Variants in NAALADL2 observed in about 807,000 individuals in gnomAD.
The protein encoded by NAALADL2 is N-acetylated alpha-linked acidic dipeptidase like 2, also known as inactive N-acetylated-alpha-linked acidic dipeptidase-like protein 2.
In NAALADL2, 76 loss-of-function variants were observed where a neutral mutation model predicts 87.2. The observed-to-expected ratio is 0.87, with a 90% CI of 0.72 to 1.05. The LOEUF is 1.05. Among genes scored for constraint, NAALADL2 ranks in the 50% least tolerant of loss-of-function variants. The pLI is 0.00. For synonymous variants in NAALADL2, 354 were observed against 331.0 expected (o/e 1.07, Z -0.75); for missense variants, 1,089 against 945.8 (o/e 1.15, Z -1.99).
chr3:174,508,359 C>T (rs1719362380), intron 1 of NAALADL2, among the ~76,000 whole-genome samples: 1 of 152,020 alleles, frequency 6.6e-6, no homozygotes, highest in Non-Finnish European at 1.5e-5. Flanking sequence ...GTGATCCGCC[C>T]GTCTCGGCCT....
intron 5 of NAALADL2, among the ~76,000 whole-genome samples, chr3:175,325,143 ATTTT>A (rs572452255): frequency 0.025 from 3,756 of 151,834 alleles, 73 homozygotes; most frequent in Non-Finnish European, 0.042. Flanking sequence ...GTTCTGCCAA[ATTTT>A]TTTTGTTTTT....
chr3:175,086,663 C>T (rs1352918537), intron 1 of NAALADL2, among the ~76,000 whole-genome samples: 4 of 151,778 alleles, frequency 2.6e-5, no homozygotes, highest in South Asian at 2.1e-4. Context: ...TTTTATGTGC[C>T]GTTGGAGGTC....
chr3:175,500,627 C>T (rs1729410051), intron 9 of NAALADL2, among the ~76,000 whole-genome samples: 1 of 152,018 alleles, frequency 6.6e-6, no homozygotes. Context: ...AACAATTATC[C>T]TGTGTCAGGC....
chr3:175,040,611 T>C lies in NAALADL2; in HGVS notation c.44-56179T>C, dbSNP rs1466200370. On this transcript the variant is annotated intron_variant, in intron 1 of 13. Transcript: ENST00000454872. ...ACTTTTCTGAGTATCATTTTATACC[T>C]CTATAACACTAATAACCTTTTTTCC... is the stretch of plus-strand genomic sequence containing the variant. 3.3e-5 allele frequency among the ~76,000 whole-genome samples: 5 copies of C among 152,182 alleles called. No individual in the cohort carries two copies. In the East Asian group the frequency reaches 9.6e-4, roughly 29 times the overall value.
intron 2 of NAALADL2, among the ~76,000 whole-genome samples, chr3:174,705,152 ACT>A (rs1729935200): frequency 6.6e-6 from 1 of 152,114 alleles, no homozygotes; most frequent in Non-Finnish European, 1.5e-5. Context: ...CACAGGGCAC[ACT>A]CACACACACA....
intron 2 of NAALADL2, among the ~76,000 whole-genome samples, chr3:175,211,771 A>C (rs946859377): frequency 6.6e-6 from 1 of 152,152 alleles, no homozygotes; most frequent in Admixed American, 6.6e-5. Flanking sequence ...ATGTGCAATT[A>C]TATTTCTTAA....
intron 10 of NAALADL2, among the ~76,000 whole-genome samples, chr3:175,602,449 T>C (rs1425083699): frequency 9.9e-6 from 1 of 100,522 alleles, no homozygotes; most frequent in African/African-American, 3.1e-5. Context: ...TTTATTTGTA[T>C]GTGTGTATCT....
chr3:174,875,858 A>G (rs755403999), intron 1 of NAALADL2, among the ~76,000 whole-genome samples: 1 of 152,170 alleles, frequency 6.6e-6, no homozygotes, highest in Non-Finnish European at 1.5e-5. Flanking sequence ...CATTAAAGCC[A>G]AATCTGAGAG....
At chr3:175,530,059 A>G (rs998632545) in intron 9 of NAALADL2, among the ~76,000 whole-genome samples, 1 of 152,190 alleles carries the variant, frequency 6.6e-6, no homozygotes, top group African/African-American at 2.4e-5. Flanking sequence ...GGTGAGTGAA[A>G]GTCCATGTTG....
intron 2 of NAALADL2, among the ~76,000 whole-genome samples, chr3:174,576,418 A>G (rs535830663): frequency 6.6e-6 from 1 of 152,220 alleles, no homozygotes; most frequent in Non-Finnish European, 1.5e-5. Context: ...ATTTGTGTGA[A>G]GTTTTCTTAT....
At chr3:175,788,085 CCTGT>C (rs1222170379) in intron 13 of NAALADL2, among the ~76,000 whole-genome samples, 1 of 141,956 alleles carries the variant, frequency 7.0e-6, no homozygotes, top group Non-Finnish European at 1.5e-5. Flanking sequence ...CAGTTTTTTA[CCTGT>C]TTTTTTTTTT....
At chr3:174,494,933 A>G (rs1378445802) in intron 1 of NAALADL2, among the ~76,000 whole-genome samples, 4 of 152,156 alleles carry the variant, frequency 2.6e-5, no homozygotes, top group Non-Finnish European at 1.5e-5. Context: ...GAATTTTCAG[A>G]TGGAGAATTT....
intron 9 of NAALADL2, among the ~76,000 whole-genome samples, chr3:175,527,769 T>C (rs975453549): frequency 2.6e-5 from 4 of 152,222 alleles, no homozygotes; most frequent in Non-Finnish European, 4.4e-5. Context: ...TTCTAATAGA[T>C]TAAGATTTTA....
rs529656703 is a variant in NAALADL2 at position 175,116,533 on chromosome 3, G to T, written c.545+19242G>T. 3.0e-3 allele frequency among the ~76,000 whole-genome samples: 457 copies of T among 152,114 alleles called. 3 individuals carry two copies. Among genetic ancestry groups the T allele is most frequent in the African/African-American group, 0.01 (430 of 41,516 alleles). ...TAGGAATCCAACTTACAAGGGATGT[G>T]AAGGACCTCTTCAAGGAGCACTACA... On this transcript the variant is annotated intron_variant, in intron 2 of 13. Coordinates refer to ENST00000454872, the MANE Select transcript of NAALADL2 (RefSeq NM_207015.3).
At chr3:174,691,486 C>T (rs1728579021) in intron 2 of NAALADL2, among the ~76,000 whole-genome samples, 2 of 151,860 alleles carry the variant, frequency 1.3e-5, no homozygotes, top group Admixed American at 1.3e-4. Context: ...TCTGAGCCTT[C>T]AGCAAGTCCT....
chr3:175,342,943 GA>G (rs1397313255), intron 5 of NAALADL2, among the ~76,000 whole-genome samples: 1 of 151,998 alleles, frequency 6.6e-6, no homozygotes, highest in Non-Finnish European at 1.5e-5. Context: ...TTAGTGTAGT[GA>G]AATTTAGCAT....
intron 1 of NAALADL2, among the ~76,000 whole-genome samples, chr3:175,063,771 T>C (rs1318595339): frequency 6.6e-6 from 1 of 151,858 alleles, no homozygotes; most frequent in African/African-American, 2.4e-5. Context: ...GCATGAACCA[T>C]TGCACCCGGC....
chr3:175,772,210 G>A (rs896196807), intron 13 of NAALADL2, among the ~76,000 whole-genome samples: 3 of 152,106 alleles, frequency 2.0e-5, no homozygotes, highest in African/African-American at 4.8e-5. Flanking sequence ...GAATATGAGT[G>A]TAGATTAGAC....
chr3:174,951,006 G>A (rs1343898165), intron 1 of NAALADL2, among the ~76,000 whole-genome samples: 2 of 152,038 alleles, frequency 1.3e-5, no homozygotes, highest in Non-Finnish European at 2.9e-5. Flanking sequence ...ACAGAAGGAT[G>A]TGCTGGTGTC....
Sources: gnomAD v4.1 joint callset for allele counts (sites outside exome capture counted in the v4.1 genomes callset) on GRCh38, gnomAD v4.1.1 for gene constraint, MANE v1.5 for transcripts, NCBI Gene and HGNC (gene_info 2026-07-23, HGNC 2026-07-21) for gene names.